ART3: variants seen among roughly 807,000 people sequenced by gnomAD.
ART3 encodes ADP-ribosyltransferase 3 (inactive).
A neutral mutation model predicts 48.5 loss-of-function variants in ART3; 49 were observed. The ratio of observed to expected loss-of-function variants is 1.01; its 90% CI spans 0.80 to 1.28. The LOEUF (loss-of-function observed/expected upper bound fraction) is 1.28. ART3 is among the 50% of genes most tolerant of loss of function. The pLI, the probability that ART3 is intolerant of heterozygous loss-of-function variation, is 0.00. For synonymous variants in ART3, 145 were observed against 157.2 expected (o/e 0.92, Z 0.58); for missense variants, 438 against 454.3 (o/e 0.96, Z 0.33).
intron 1 of ART3, among the ~76,000 whole-genome samples, chr4:76,048,035 C>T (rs1409025407): frequency 6.6e-6 from 1 of 151,778 alleles, no homozygotes; most frequent in East Asian, 1.9e-4. Context: ...AACCTATAGC[C>T]CAGGGGTTTT....
At chr4:76,020,270 AT>A (rs915693130) in intron 1 of ART3, among the ~76,000 whole-genome samples, 1 of 151,366 alleles carries the variant, frequency 6.6e-6, no homozygotes, top group African/African-American at 2.4e-5. Flanking sequence ...AAAAAAATAT[AT>A]TTTTTTTGGT....
intron 1 of ART3, among the ~76,000 whole-genome samples, chr4:76,026,296 A>ATT (rs998917044): frequency 2.0e-5 from 3 of 151,748 alleles, no homozygotes; most frequent in East Asian, 1.9e-4. Context: ...CAGTTCATTC[A>ATT]TTTTTTTTAA....
At chr4:76,093,281 T>C (rs1224471575) in intron 3 of ART3, among the ~76,000 whole-genome samples, 1 of 152,024 alleles carries the variant, frequency 6.6e-6, no homozygotes, top group African/African-American at 2.4e-5. Flanking sequence ...AAAAAAAGTA[T>C]CCAGGCATGG....
At chr4:76,022,362 C>T (rs1560577409) in intron 1 of ART3, 14 of 1,612,264 alleles carry the variant, frequency 8.7e-6, no homozygotes, top group Non-Finnish European at 1.1e-5. Flanking sequence ...AACAGCAAAC[C>T]TACCTTTCCT....
intron 11 of ART3, chr4:76,111,768 CT>C (rs1424077341): frequency 6.6e-6 from 1 of 152,334 alleles, no homozygotes; most frequent in Non-Finnish European, 1.5e-5. Context: ...TCTCGATCTC[CT>C]GACCTCATGA....
chr4:76,093,206 G>T (rs2149624633), intron 3 of ART3, among the ~76,000 whole-genome samples: 1 of 152,268 alleles, frequency 6.6e-6, no homozygotes. Flanking sequence ...AGGATCACTT[G>T]AGTTCAGGAG....
At chr4:76,073,816 A>G (rs546267492), upstream of ART3, among the ~76,000 whole-genome samples, 35 of 152,272 alleles carry the variant, frequency 2.3e-4, no homozygotes, top group African/African-American at 8.2e-4. Context: ...ACATGCTTGT[A>G]TCTCTTTTTT....
At chr4:76,068,921 C>T (rs971746329) in intron 1 of ART3, among the ~76,000 whole-genome samples, 13 of 152,186 alleles carry the variant, frequency 8.5e-5, no homozygotes, top group African/African-American at 3.1e-4. Flanking sequence ...CTCAAGTGAT[C>T]CTCCTTTAGC....
chr4:76,021,505 C>A, intron 1 of ART3: 1 of 161,482 alleles, frequency 6.2e-6, no homozygotes, highest in Admixed American at 6.3e-5. Context: ...AGTGGAAGTC[C>A]ATGAAGTAAA....
At chr4:76,046,838 G>A (rs1457724186) in intron 1 of ART3, among the ~76,000 whole-genome samples, 2 of 152,054 alleles carry the variant, frequency 1.3e-5, no homozygotes, top group Non-Finnish European at 2.9e-5. Context: ...CCTGGTTACA[G>A]GCTGTCCCAG....
rs553357625 is a variant in ART3, at chr4:76,085,618, T to C, written c.781+3083T>C. ...GTAAATTTGGTTGAAAGAAAAAGTGTTTATAAAAAGATAGGGGAAAAAAGA... is the reference window on the plus strand; with the variant it reads ...GTAAATTTGGTTGAAAGAAAAAGTGCTTATAAAAAGATAGGGGAAAAAAGA... On this transcript the variant is annotated intron_variant, in intron 3 of 11. Transcript: ENST00000355810. Among the ~76,000 whole-genome samples the C allele has an allele frequency of 7.9e-5, 12 of 152,130 alleles. 1 individual carries two copies. The South Asian group carries it at 2.5e-3, about 32-fold the overall frequency.
chr4:76,087,856 T>G (rs899931492), intron 3 of ART3, among the ~76,000 whole-genome samples: 1 of 152,190 alleles, frequency 6.6e-6, no homozygotes, highest in African/African-American at 2.4e-5. Context: ...TTAACTAACT[T>G]TTATGCTATT....
At chr4:76,046,444 G>C (rs1244829597) in intron 1 of ART3, among the ~76,000 whole-genome samples, 1 of 152,074 alleles carries the variant, frequency 6.6e-6, no homozygotes, top group African/African-American at 2.4e-5. Context: ...GAACTGGGGT[G>C]TTGCAGGGAC....
At chr4:76,108,545 G>A (rs984511250) in intron 11 of ART3, among the ~76,000 whole-genome samples, 1 of 146,548 alleles carries the variant, frequency 6.8e-6, no homozygotes, top group African/African-American at 2.6e-5. Flanking sequence ...CCACTCCACT[G>A]TTAGCAATGA....
intron 1 of ART3, among the ~76,000 whole-genome samples, chr4:76,040,437 T>TACACACACACGC (rs1553926411): frequency 2.3e-5 from 2 of 88,484 alleles, no homozygotes; most frequent in Non-Finnish European, 4.5e-5. Context: ...ATACACTGGA[T>TACACACACACGC]ACACACACAC....
intron 8 of ART3, 33 bp downstream of exon 8, chr4:76,101,052 A>AT: frequency 6.2e-7 from 1 of 1,610,168 alleles, no homozygotes; most frequent in African/African-American, 1.3e-5. Flanking sequence ...GGGGGCTTAC[A>AT]TTTTGCAATA....
chr4:76,075,865 C>G lies in ART3; in HGVS notation c.-9-16C>G, dbSNP rs1560615420. 6.3e-7 allele frequency: 1 copy of G among 1,595,370 alleles called. No homozygotes were observed. The highest frequency in any genetic ancestry group is 2.2e-5 in the East Asian group (1 of 44,736). ...TTTTGAGTCTACTGAATTGAAATTT[C>G]TTTATTTTAATTTAGAAGAGAAAAA... is the stretch of plus-strand genomic sequence containing the variant. On this transcript the variant is annotated splice_polypyrimidine_tract_variant and intron_variant, in intron 1 of 11. Transcript: ENST00000355810.
chr4:76,049,958 G>T (rs1404806066), intron 1 of ART3, among the ~76,000 whole-genome samples: 1 of 151,570 alleles, frequency 6.6e-6, no homozygotes, highest in African/African-American at 2.4e-5. Flanking sequence ...GGTCTCACTG[G>T]CTCAGGAGTG....
chr4:76,067,076 A>G (rs771702136), intron 1 of ART3, among the ~76,000 whole-genome samples: 1 of 152,230 alleles, frequency 6.6e-6, no homozygotes, highest in Non-Finnish European at 1.5e-5. Context: ...AGCTGGGATG[A>G]TGGCAGGCCA....
Sources: allele counts gnomAD v4.1 joint callset (sites outside exome capture counted in the v4.1 genomes callset), GRCh38; gene constraint gnomAD v4.1.1; transcripts MANE v1.5; gene names NCBI Gene and HGNC (gene_info 2026-07-23, HGNC 2026-07-21).